ANKS1B: variants seen among roughly 807,000 people sequenced by gnomAD.
ANKS1B encodes ankyrin repeat and sterile alpha motif domain containing 1B, also known as ankyrin repeat and sterile alpha motif domain-containing protein 1B.
Under a neutral mutation model 148.3 loss-of-function variants are expected in ANKS1B, and 36 were observed. The observed-to-expected ratio is 0.24, with a 90% CI of 0.19 to 0.32. The LOEUF is 0.32. ANKS1B is among the 10% of genes least tolerant of loss of function. ANKS1B has a pLI of 1.00. For synonymous variants in ANKS1B, 542 were observed against 560.8 expected, an observed-to-expected ratio of 0.97 and a Z score of 0.47; for missense variants, 1,157 against 1,542.6, an observed-to-expected ratio of 0.75 and a Z score of 4.19.
chr12:98,771,334 AT>A (rs778548768), intron 25 of ANKS1B, among the ~76,000 whole-genome samples: 2,081 of 140,922 alleles, frequency 0.015, 15 homozygotes, highest in African/African-American at 0.027. Context: ...TGTCTGGCTA[AT>A]TTTTTTTTTT....
intron 16 of ANKS1B, among the ~76,000 whole-genome samples, chr12:99,057,510 A>T (rs991985530): frequency 1.3e-5 from 2 of 152,130 alleles, no homozygotes; most frequent in Non-Finnish European, 2.9e-5. Flanking sequence ...GCATCTGCTA[A>T]CATCTTTACC....
intron 26 of ANKS1B, among the ~76,000 whole-genome samples, chr12:98,746,607 C>T (rs556571618): frequency 1.3e-5 from 2 of 152,324 alleles, no homozygotes; most frequent in Non-Finnish European, 2.9e-5. Context: ...ATTTGTTCAT[C>T]CTCCACTGCC....
chr12:98,924,295 C>T (rs557154650), intron 17 of ANKS1B, among the ~76,000 whole-genome samples: 62 of 152,304 alleles, frequency 4.1e-4, no homozygotes, highest in East Asian at 7.7e-4. Context: ...ATAGACTTCC[C>T]GGGCCTAAAG....
At chr12:99,202,332 G>A (rs1413689779) in intron 14 of ANKS1B, among the ~76,000 whole-genome samples, 1 of 152,214 alleles carries the variant, frequency 6.6e-6, no homozygotes, top group African/African-American at 2.4e-5. Flanking sequence ...AAATGCTGTA[G>A]AGTTCACTCC....
chr12:98,896,143 GTATAAAGAAATGGT>G (rs1567654161), intron 17 of ANKS1B, among the ~76,000 whole-genome samples: 1 of 152,152 alleles, frequency 6.6e-6, no homozygotes, highest in Non-Finnish European at 1.5e-5. Context: ...TTAAGTAAAA[GTATAAAGAAATGGT>G]TAACATTATG....
At chr12:99,399,912 AAACT>A in intron 11 of ANKS1B, 101 bp from the exon 12 acceptor site, 3 of 1,160,022 alleles carry the variant, frequency 2.6e-6, no homozygotes, top group Non-Finnish European at 3.8e-6. Context: ...TTTCAGTTAA[AAACT>A]ATCTGGGTTT....
intron 9 of ANKS1B, among the ~76,000 whole-genome samples, chr12:99,549,865 T>G (rs867458678): frequency 6.6e-6 from 1 of 152,144 alleles, no homozygotes; most frequent in Non-Finnish European, 1.5e-5. Context: ...GCTGGATAAG[T>G]CCCAGGCCTA....
At chr12:99,598,642 CAG>C (rs1439937593) in intron 9 of ANKS1B, among the ~76,000 whole-genome samples, 1 of 151,970 alleles carries the variant, frequency 6.6e-6, no homozygotes, top group Non-Finnish European at 1.5e-5. Flanking sequence ...GCCGACTTGC[CAG>C]AGAGAGTCAG....
intron 9 of ANKS1B, among the ~76,000 whole-genome samples, chr12:99,614,236 A>G (rs1373275745): frequency 2.0e-5 from 3 of 151,932 alleles, no homozygotes; most frequent in African/African-American, 7.2e-5. Flanking sequence ...AGAGTTCGAG[A>G]CCAGCCTGGC....
intron 15 of ANKS1B, among the ~76,000 whole-genome samples, chr12:99,138,169 T>C (rs1346056469): frequency 1.3e-5 from 2 of 152,188 alleles, no homozygotes; most frequent in Non-Finnish European, 2.9e-5. Flanking sequence ...TCAGACAAAC[T>C]GAGTTTTATT....
intron 9 of ANKS1B, among the ~76,000 whole-genome samples, chr12:99,510,522 G>T (rs183666799): frequency 2.6e-4 from 39 of 152,072 alleles, no homozygotes; most frequent in African/African-American, 9.4e-4. Context: ...AACTGGAAGT[G>T]GAGCCTGAAT....
At chr12:99,512,543 AT>A (rs2096777110) in intron 9 of ANKS1B, among the ~76,000 whole-genome samples, 1 of 152,166 alleles carries the variant, frequency 6.6e-6, no homozygotes, top group African/African-American at 2.4e-5. Flanking sequence ...CAGCAATCCC[AT>A]TATTGGGTAT....
In ANKS1B at chr12:99,280,156, CTG is replaced by C. The variant is rs113352121; in HGVS notation, c.1757-33294_1757-33293del. Among the ~76,000 whole-genome samples the C allele has an allele frequency of 6.9e-4, 103 of 150,126 alleles. 2 individuals carry two copies. The highest frequency in any genetic ancestry group is 1.9e-3 in the African/African-American group (79 of 40,936). On this transcript the variant is annotated intron_variant, in intron 12 of 26. Coordinates refer to ENST00000683438, the MANE Select transcript of ANKS1B (RefSeq NM_001352186.2). ...TCCAGAGAAACAGAACCAATAGAGT[CTG>C]TGTGTGTGTGTGTATGTGTGTGTGT...
chr12:99,021,396 G>C (rs1259551969), intron 17 of ANKS1B, among the ~76,000 whole-genome samples: 1 of 152,122 alleles, frequency 6.6e-6, no homozygotes, highest in Non-Finnish European at 1.5e-5. Context: ...ACAGGAATTT[G>C]AATGGTAGTT....
At chr12:98,740,164 C>T (rs572799203), downstream of ANKS1B, among the ~76,000 whole-genome samples, 1 of 152,274 alleles carries the variant, frequency 6.6e-6, no homozygotes, top group African/African-American at 2.4e-5. Flanking sequence ...TCAAGTGGAT[C>T]TAAGTTCAAC....
At chr12:99,136,476 C>T (rs2068096810) in intron 15 of ANKS1B, among the ~76,000 whole-genome samples, 1 of 152,176 alleles carries the variant, frequency 6.6e-6, no homozygotes, top group Non-Finnish European at 1.5e-5. Context: ...TTGAAACACA[C>T]ACACAAAAAA....
chr12:99,598,743 A>G (rs2097777179), intron 9 of ANKS1B, among the ~76,000 whole-genome samples: 1 of 152,118 alleles, frequency 6.6e-6, no homozygotes, highest in Admixed American at 6.6e-5. Flanking sequence ...GGGGGCAAAA[A>G]TATATGTGAT....
intron 12 of ANKS1B, among the ~76,000 whole-genome samples, chr12:99,343,158 C>T (rs1182329185): frequency 6.6e-6 from 1 of 151,966 alleles, no homozygotes; most frequent in Non-Finnish European, 1.5e-5. Flanking sequence ...TATTAACTTA[C>T]ACATATATCT....
At chr12:99,153,131 T>A (rs2075375935) in intron 15 of ANKS1B, among the ~76,000 whole-genome samples, 2 of 152,130 alleles carry the variant, frequency 1.3e-5, no homozygotes, top group Non-Finnish European at 2.9e-5. Flanking sequence ...TTTTAAAAAC[T>A]CTTGGGCATA....
Sources: allele counts gnomAD v4.1 joint callset (sites outside exome capture counted in the v4.1 genomes callset), GRCh38; gene constraint gnomAD v4.1.1; transcripts MANE v1.5; gene names NCBI Gene and HGNC (gene_info 2026-07-23, HGNC 2026-07-21).